The following CPNE8 variants were observed in gnomAD, a reference collection of about 807,000 sequenced individuals.
The protein encoded by CPNE8 is copine 8, also known as copine-8.
A neutral mutation model predicts 81.5 loss-of-function variants in CPNE8; 45 were observed. The observed-to-expected ratio is 0.55, with a 90% CI of 0.44 to 0.71. The LOEUF (loss-of-function observed/expected upper bound fraction) is 0.71, where lower values mean the gene tolerates loss of function less well. Ranked by LOEUF, CPNE8 falls within the 30% of genes least tolerant of loss-of-function variation. CPNE8 has a pLI of 0.00. For synonymous variants in CPNE8, 252 were observed against 226.3 expected (o/e 1.11, Z -1.02); for missense variants, 594 against 672.1 (o/e 0.88, Z 1.28).
chr12:38,765,677 C>T (rs367787441), intron 8 of CPNE8, among the ~76,000 whole-genome samples: 18 of 152,098 alleles, frequency 1.2e-4, no homozygotes, highest in African/African-American at 3.9e-4. Flanking sequence ...TGTGTGCGTA[C>T]ACATACATAA....
At chr12:38,808,632 T>G (rs976016588) in intron 6 of CPNE8, among the ~76,000 whole-genome samples, 2 of 146,920 alleles carry the variant, frequency 1.4e-5, no homozygotes, top group African/African-American at 5.0e-5. Flanking sequence ...AGGGATAGCA[T>G]TAGGAGATAT....
chr12:38,885,469 G>T (rs73274764), intron 1 of CPNE8, among the ~76,000 whole-genome samples: 2,146 of 152,228 alleles, frequency 0.014, 50 homozygotes, highest in African/African-American at 0.047. Flanking sequence ...TGCATGAATA[G>T]AACTCATTTA....
intron 1 of CPNE8, among the ~76,000 whole-genome samples, chr12:38,901,986 T>A (rs1944470679): frequency 6.6e-6 from 1 of 152,030 alleles, no homozygotes; most frequent in African/African-American, 2.4e-5. Context: ...AACATAGACA[T>A]ATAAAAGGCA....
chr12:38,682,342 G>C (rs1939428157), intron 16 of CPNE8, among the ~76,000 whole-genome samples: 1 of 152,178 alleles, frequency 6.6e-6, no homozygotes, highest in African/African-American at 2.4e-5. Context: ...CGGATCGCCT[G>C]AGGTCAAGAG....
intron 3 of CPNE8, among the ~76,000 whole-genome samples, chr12:38,862,583 G>A (rs936460225): frequency 2.0e-5 from 3 of 152,146 alleles, no homozygotes; most frequent in Non-Finnish European, 4.4e-5. Flanking sequence ...TCTCAAAGGA[G>A]AATTTTTAGC....
intron 7 of CPNE8, among the ~76,000 whole-genome samples, chr12:38,768,668 C>G (rs759069621): frequency 6.6e-6 from 1 of 151,722 alleles, no homozygotes; most frequent in South Asian, 2.1e-4. Context: ...TACAGGCACA[C>G]GCTGCCACGC....
intron 8 of CPNE8, among the ~76,000 whole-genome samples, chr12:38,764,641 A>ATT (rs1941647627): frequency 6.7e-6 from 1 of 149,646 alleles, no homozygotes; most frequent in Non-Finnish European, 1.5e-5. Context: ...AAAAAAAAAG[A>ATT]AAAAGTCATA....
At chr12:38,892,861 TAC>T (rs1194112662) in intron 1 of CPNE8, among the ~76,000 whole-genome samples, 25 of 152,324 alleles carry the variant, frequency 1.6e-4, no homozygotes, top group African/African-American at 6.0e-4. Flanking sequence ...TTTCCATGAA[TAC>T]AGTTTGTTAT....
chr12:38,850,328 A>G (rs1943626003), intron 3 of CPNE8, among the ~76,000 whole-genome samples: 1 of 152,184 alleles, frequency 6.6e-6, no homozygotes, highest in Admixed American at 6.5e-5. Flanking sequence ...ACTCACACTC[A>G]GAGAGAATTT....
At chr12:38,670,346 A>G (rs1272715152) in intron 19 of CPNE8, among the ~76,000 whole-genome samples, 1 of 152,122 alleles carries the variant, frequency 6.6e-6, no homozygotes, top group African/African-American at 2.4e-5. Flanking sequence ...TTTCAATTAT[A>G]ATTTGAACTA....
intron 5 of CPNE8, among the ~76,000 whole-genome samples, chr12:38,833,111 G>C (rs1943317426): frequency 6.6e-6 from 1 of 151,954 alleles, no homozygotes; most frequent in Non-Finnish European, 1.5e-5. Flanking sequence ...CCAGCACTTT[G>C]GGAGGCCGAG....
chr12:38,726,779 A>G (rs537546961), intron 11 of CPNE8, among the ~76,000 whole-genome samples: 1 of 152,322 alleles, frequency 6.6e-6, no homozygotes, highest in South Asian at 2.1e-4. Flanking sequence ...GTAACTTTTT[A>G]GTAGAATTTC....
rs1025820989 is a variant in CPNE8, at chr12:38,727,866, C to T, written c.798+2417G>A. Among the ~76,000 whole-genome samples the T allele has an allele frequency of 2.6e-5, 4 of 152,138 alleles. No homozygotes were observed. The South Asian group carries it at 6.2e-4, about 24-fold the overall frequency. On this transcript the variant is annotated intron_variant, in intron 11 of 19. Transcript: ENST00000331366. ...GGAAGATCTAGGGAATTCTTATCTC[C>T]GTCCAACCTCAAGTCTCTGCTCAAA...
chr12:38,670,825 T>G, intron 18 of CPNE8, 23 bp from the exon 19 acceptor site: 1 of 1,562,690 alleles, frequency 6.4e-7, no homozygotes, highest in South Asian at 1.1e-5. Flanking sequence ...ATATGATCAT[T>G]TATTCAGTAC....
chr12:38,822,263 A>C (rs1320089845), intron 6 of CPNE8, among the ~76,000 whole-genome samples: 1 of 152,220 alleles, frequency 6.6e-6, no homozygotes, highest in Non-Finnish European at 1.5e-5. Flanking sequence ...AAAAGAAGAA[A>C]TCTAACTCAG....
At chr12:38,745,228 T>A (rs551301199) in intron 10 of CPNE8, among the ~76,000 whole-genome samples, 1 of 152,184 alleles carries the variant, frequency 6.6e-6, no homozygotes, top group Non-Finnish European at 1.5e-5. Context: ...ACAATATCCA[T>A]CCTTTTTTGA....
chr12:38,858,265 G>C (rs1056941526), intron 3 of CPNE8, among the ~76,000 whole-genome samples: 6 of 152,178 alleles, frequency 3.9e-5, no homozygotes, highest in African/African-American at 1.4e-4. Flanking sequence ...ACCTAACATA[G>C]ATGGTTATGA....
chr12:38,677,189 C>T (rs1379035694), intron 17 of CPNE8, among the ~76,000 whole-genome samples: 2 of 151,996 alleles, frequency 1.3e-5, no homozygotes, highest in Non-Finnish European at 2.9e-5. Context: ...TTAACAAACC[C>T]ATGCCTGTGA....
chr12:38,861,707 C>A (rs1383145882), intron 3 of CPNE8, among the ~76,000 whole-genome samples: 2 of 151,980 alleles, frequency 1.3e-5, no homozygotes, highest in Non-Finnish European at 2.9e-5. Flanking sequence ...AAAATGTGAT[C>A]AAAAGATTTT....
Sources: allele counts gnomAD v4.1 joint callset (sites outside exome capture counted in the v4.1 genomes callset), GRCh38; gene constraint gnomAD v4.1.1; transcripts MANE v1.5; gene names NCBI Gene and HGNC (gene_info 2026-07-23, HGNC 2026-07-21).